The following OSBPL6 variants were observed in gnomAD, a reference collection of about 807,000 sequenced individuals.
OSBPL6 encodes the protein oxysterol binding protein like 6, also known as oxysterol-binding protein-related protein 6.
OSBPL6 carries 49 observed loss-of-function variants against 125.8 expected under a neutral mutation model. The ratio of observed to expected loss-of-function variants is 0.39; its 90% confidence interval spans 0.31 to 0.49. The LOEUF is 0.49. OSBPL6 is among the 20% of genes least tolerant of loss of function. The pLI, the probability that OSBPL6 is intolerant of heterozygous loss-of-function variation, is 0.88. For missense variants in OSBPL6, 986 were observed against 1,135.4 expected (o/e 0.87, Z 1.89); for synonymous variants, 394 against 391.8 (o/e 1.01, Z -0.07).
chr2:178,371,654 A>G lies in OSBPL6; in HGVS notation c.1288-472A>G, dbSNP rs541783034. Among the ~76,000 whole-genome samples the G allele has an allele frequency of 5.9e-5, 9 of 152,338 alleles. No individual in the cohort carries two copies. The South Asian group carries it at 1.7e-3, about 28-fold the overall frequency. ...TTTAAACACACTAAAATATAATTCTATAAACTAAAGCCAGTTCATTCTATT... is the reference window on the plus strand; with the variant it reads ...TTTAAACACACTAAAATATAATTCTGTAAACTAAAGCCAGTTCATTCTATT... On this transcript the variant is annotated intron_variant, in intron 13 of 24. Transcript: ENST00000190611.
In OSBPL6 at chr2:178,331,765, T is replaced by C. The variant is rs150534427; in HGVS notation, c.372+160T>C. 3.4e-4 allele frequency among the ~76,000 whole-genome samples: 52 copies of C among 152,304 alleles called. No homozygotes were observed. In the East Asian group the frequency reaches 9.7e-3, roughly 28 times the overall value. ...TCCCAAACCTCCATGTTCTAAAGTG[T>C]GTCAACCTAGTGCATGAAGATTTAA... On this transcript the variant is annotated intron_variant, in intron 6 of 24. Coordinates refer to ENST00000190611, the MANE Select transcript of OSBPL6 (RefSeq NM_032523.4).
At chr2:178,272,147 C>T (rs539118977) in intron 1 of OSBPL6, among the ~76,000 whole-genome samples, 1 of 152,322 alleles carries the variant, frequency 6.6e-6, no homozygotes, top group African/African-American at 2.4e-5. Flanking sequence ...TTCAGCACAG[C>T]CCTGGAGCTT....
At chr2:178,281,635 TC>T (rs1684182743) in intron 1 of OSBPL6, among the ~76,000 whole-genome samples, 1 of 152,150 alleles carries the variant, frequency 6.6e-6, no homozygotes, top group South Asian at 2.1e-4. Context: ...CTGTATTTGA[TC>T]ATGTCCTTTG....
intron 2 of OSBPL6, among the ~76,000 whole-genome samples, chr2:178,292,107 C>T (rs1685333051): frequency 6.6e-6 from 1 of 151,996 alleles, no homozygotes; most frequent in Admixed American, 6.6e-5. Flanking sequence ...CTCCCATCCC[C>T]CACCCTCCAG....
chr2:178,295,365 A>G (rs761081175), intron 2 of OSBPL6, among the ~76,000 whole-genome samples: 8 of 152,240 alleles, frequency 5.3e-5, no homozygotes, highest in Non-Finnish European at 1.0e-4. Flanking sequence ...ACTATAGCCC[A>G]CAAGCCAAAT....
At chr2:178,355,295 A>G (rs775295588) in intron 12 of OSBPL6, among the ~76,000 whole-genome samples, 1 of 152,214 alleles carries the variant, frequency 6.6e-6, no homozygotes, top group Non-Finnish European at 1.5e-5. Context: ...TAATGAATCC[A>G]GGAGCTGGTT....
At chr2:178,350,200 G>A (rs531295596) in intron 12 of OSBPL6, among the ~76,000 whole-genome samples, 1 of 152,324 alleles carries the variant, frequency 6.6e-6, no homozygotes, top group African/African-American at 2.4e-5. Flanking sequence ...GCCGCAGAGA[G>A]TAGGCTATGG....
chr2:178,379,194 AAAAG>A lies in OSBPL6; in HGVS notation c.1534-3221_1534-3218del, dbSNP rs1182435536. ...ATCAAAAAAGAACGAAGGAACGAAA[AAAAG>A]AAAGGAAGGGAGGGAGGAAGTAAGG... On this transcript the variant is annotated intron_variant, in intron 15 of 24. Transcript: ENST00000190611. Among the ~76,000 whole-genome samples, 10 of 151,588 alleles carry A rather than the reference AAAAG, an allele frequency of 6.6e-5. No individual in the cohort carries two copies. In the East Asian group the frequency reaches 1.5e-3, roughly 23 times the overall value.
chr2:178,329,420 T>A (rs913471591), intron 5 of OSBPL6, among the ~76,000 whole-genome samples: 3 of 147,996 alleles, frequency 2.0e-5, no homozygotes, highest in African/African-American at 7.3e-5. Context: ...TTTACTTATT[T>A]TTTTTTTTTT....
chr2:178,198,534 A>G (rs766529384), intron 1 of OSBPL6, among the ~76,000 whole-genome samples: 25 of 146,014 alleles, frequency 1.7e-4, no homozygotes, highest in Admixed American at 3.4e-4. Flanking sequence ...TGACCTCATG[A>G]GGTCTGACCC....
chr2:178,314,371 A>G (rs1433694160), intron 3 of OSBPL6, among the ~76,000 whole-genome samples: 1 of 152,230 alleles, frequency 6.6e-6, no homozygotes, highest in Admixed American at 6.5e-5. Flanking sequence ...AGGGATTTGC[A>G]GGATGACCCT....
chr2:178,399,339 C>T lies in OSBPL6; in HGVS notation c.*3780C>T, dbSNP rs1284561106. On this transcript the variant is annotated 3_prime_UTR_variant, in exon 25 of 25. Coordinates refer to ENST00000190611, the MANE Select transcript of OSBPL6 (RefSeq NM_032523.4). Reference sequence around the variant, plus strand: ...TAGGATTCGGTCCTGTAAGTCCTAACTGAATTTCTTTTGTAAAACTGATAC... The same window carrying T: ...TAGGATTCGGTCCTGTAAGTCCTAATTGAATTTCTTTTGTAAAACTGATAC... The T allele has an allele frequency of 1.3e-5, 2 of 152,136 alleles. No homozygotes were observed. The highest frequency in any genetic ancestry group is 1.5e-5 in the Non-Finnish European group (1 of 68,026). The allele number at this position is 152,136 out of a possible 1,614,324, so 9.4% of individuals were successfully genotyped here.
intron 1 of OSBPL6, among the ~76,000 whole-genome samples, chr2:178,269,915 C>T (rs1489890141): frequency 6.6e-6 from 1 of 152,248 alleles, no homozygotes; most frequent in East Asian, 1.9e-4. Context: ...TTGCCAGGTT[C>T]ATGTCATTCA....
rs80023912 is a variant in OSBPL6 at position 178,247,683 on chromosome 2, C to G, written c.-350-37244C>G. Among the ~76,000 whole-genome samples the G allele has an allele frequency of 3.8e-3, 574 of 152,124 alleles. 5 individuals carry two copies. Among genetic ancestry groups the G allele is most frequent in the African/African-American group, 0.012 (511 of 41,496 alleles). ...GCCTCCAGACTCCCTCATCTTTGGG[C>G]CTTTCCCTACTTGTAGCTGGTCCTG... On this transcript the variant is annotated intron_variant, in intron 1 of 24. Transcript: ENST00000190611.
At chr2:178,221,186 C>G (rs960121929) in intron 1 of OSBPL6, among the ~76,000 whole-genome samples, 1 of 152,076 alleles carries the variant, frequency 6.6e-6, no homozygotes, top group Non-Finnish European at 1.5e-5. Flanking sequence ...CTGTGGAAAT[C>G]TTGATTGTGT....
chr2:178,371,737 C>T (rs1574997541), intron 13 of OSBPL6, among the ~76,000 whole-genome samples: 1 of 152,012 alleles, frequency 6.6e-6, no homozygotes, highest in Non-Finnish European at 1.5e-5. Context: ...ACTTTAGAAA[C>T]TAGAACAAAA....
intron 1 of OSBPL6, among the ~76,000 whole-genome samples, chr2:178,195,027 C>A (rs1037434695): frequency 6.6e-6 from 1 of 151,962 alleles, no homozygotes. Context: ...CGCCCCTGCT[C>A]CCCGCAGGCT....
chr2:178,333,293 G>A (rs1388285575), intron 8 of OSBPL6, among the ~76,000 whole-genome samples: 3 of 152,276 alleles, frequency 2.0e-5, no homozygotes, highest in East Asian at 1.9e-4. Context: ...GCTGAAGCAC[G>A]AAAATTGCTT....
intron 1 of OSBPL6, among the ~76,000 whole-genome samples, chr2:178,202,021 T>C (rs890709578): frequency 6.6e-6 from 1 of 152,236 alleles, no homozygotes; most frequent in Admixed American, 6.5e-5. Context: ...AATCTGACAC[T>C]ACAGTGAGTG....
Sources: gnomAD v4.1 joint callset for allele counts (sites outside exome capture counted in the v4.1 genomes callset) on GRCh38, gnomAD v4.1.1 for gene constraint, MANE v1.5 for transcripts, NCBI Gene and HGNC (gene_info 2026-07-23, HGNC 2026-07-21) for gene names.